Variants in VAV3 observed in about 807,000 individuals in gnomAD.
The protein encoded by VAV3 is guanine nucleotide exchange factor VAV3.
Under a neutral mutation model 131.2 loss-of-function variants are expected in VAV3, and 94 were observed. The ratio of observed to expected loss-of-function variants is 0.72; its 90% CI spans 0.61 to 0.85. VAV3 has a LOEUF of 0.85. Among genes scored for constraint, VAV3 ranks in the 40% least tolerant of loss-of-function variants. The probability of loss-of-function intolerance (pLI) is 0.00; values close to 1 mark genes in which losing one functional copy is unlikely to be tolerated. For missense variants in VAV3, 939 were observed against 1,002.7 expected (o/e 0.94, Z 0.86); for synonymous variants, 349 against 342.0 (o/e 1.02, Z -0.22).
intron 2 of VAV3, among the ~76,000 whole-genome samples, chr1:107,842,865 A>G (rs184267930): frequency 6.6e-6 from 1 of 152,320 alleles, no homozygotes; most frequent in Non-Finnish European, 1.5e-5. Flanking sequence ...AATGAGAGAA[A>G]TATTAACATA....
intron 1 of VAV3, among the ~76,000 whole-genome samples, chr1:107,948,445 G>T (rs529323069): frequency 6.6e-6 from 1 of 152,316 alleles, no homozygotes; most frequent in African/African-American, 2.4e-5. Flanking sequence ...TCAAACCATT[G>T]TATACATATC....
intron 1 of VAV3, among the ~76,000 whole-genome samples, chr1:107,935,993 G>A (rs1673694231): frequency 6.6e-6 from 1 of 152,118 alleles, no homozygotes; most frequent in African/African-American, 2.4e-5. Flanking sequence ...TGAGAGATGA[G>A]GACACATTTA....
At chr1:107,598,357 A>AAAACC (rs1651562496) in intron 24 of VAV3, among the ~76,000 whole-genome samples, 1 of 152,044 alleles carries the variant, frequency 6.6e-6, no homozygotes, top group Non-Finnish European at 1.5e-5. Context: ...ACTCTGTCTC[A>AAAACC]AAACAAAACA....
At chr1:107,596,438 T>A in intron 24 of VAV3, 97 bp from the exon 25 acceptor site, 2 of 1,355,800 alleles carry the variant, frequency 1.5e-6, no homozygotes, top group South Asian at 2.8e-5. Context: ...GATGACCAAT[T>A]TAATGCTAAA....
At chr1:107,620,109 T>C (rs1230049134) in intron 20 of VAV3, among the ~76,000 whole-genome samples, 2 of 152,328 alleles carry the variant, frequency 1.3e-5, no homozygotes, top group Non-Finnish European at 2.9e-5. Context: ...TCTCTATTAA[T>C]AGACTGTGAG....
chr1:107,617,482 C>A, intron 21 of VAV3, 85 bp downstream of exon 21: 1 of 1,138,368 alleles, frequency 8.8e-7, no homozygotes, highest in Non-Finnish European at 1.3e-6. Flanking sequence ...CTGACCTGGC[C>A]AGTATCCTTT....
intron 2 of VAV3, among the ~76,000 whole-genome samples, chr1:107,809,824 C>T (rs1474209210): frequency 1.3e-5 from 2 of 152,066 alleles, no homozygotes; most frequent in East Asian, 3.8e-4. Context: ...CTGAGAATGA[C>T]AGAATTTACA....
At chr1:107,903,510 G>A (rs1367867402) in intron 1 of VAV3, among the ~76,000 whole-genome samples, 1 of 152,096 alleles carries the variant, frequency 6.6e-6, no homozygotes, top group Non-Finnish European at 1.5e-5. Context: ...GCTGCAAGAT[G>A]CCAGATAAAT....
chr1:107,954,773 G>A (rs947200552), intron 1 of VAV3, among the ~76,000 whole-genome samples: 3 of 148,414 alleles, frequency 2.0e-5, no homozygotes, highest in Non-Finnish European at 4.5e-5. Context: ...ATGGGAGGGG[G>A]GGAAATTCAT....
chr1:107,798,576 G>A (rs80243819), intron 2 of VAV3, among the ~76,000 whole-genome samples: 17,679 of 151,600 alleles, frequency 0.12, 1,214 homozygotes, highest in East Asian at 0.29. Context: ...AAAATTAGCC[G>A]GGCGTGGTGG....
chr1:107,877,860 C>G (rs1053767521), intron 1 of VAV3, among the ~76,000 whole-genome samples: 4 of 152,088 alleles, frequency 2.6e-5, no homozygotes, highest in African/African-American at 7.2e-5. Context: ...GAGTCTAGTG[C>G]GAGCCTAGTG....
At chr1:107,623,793 T>C (rs996988709) in intron 20 of VAV3, among the ~76,000 whole-genome samples, 2 of 152,172 alleles carry the variant, frequency 1.3e-5, no homozygotes, top group Non-Finnish European at 2.9e-5. Context: ...GGGGATATGA[T>C]CCTTAACTTT....
At chr1:107,594,454 A>T (rs992529850) in intron 25 of VAV3, among the ~76,000 whole-genome samples, 1 of 152,138 alleles carries the variant, frequency 6.6e-6, no homozygotes, top group Non-Finnish European at 1.5e-5. Flanking sequence ...ACAAAAAAAA[A>T]GTTTTAGTGG....
chr1:107,949,553 C>T (rs1203357084), intron 1 of VAV3, among the ~76,000 whole-genome samples: 2 of 152,196 alleles, frequency 1.3e-5, no homozygotes, highest in East Asian at 3.9e-4. Flanking sequence ...ACAATCCTCC[C>T]ACCTTAGCCT....
intron 25 of VAV3, among the ~76,000 whole-genome samples, chr1:107,589,371 T>C (rs1391062415): frequency 6.6e-6 from 1 of 152,296 alleles, no homozygotes; most frequent in South Asian, 2.1e-4. Flanking sequence ...GGGACAATGA[T>C]ACACACAGAA....
At chr1:107,584,847 G>C (rs929722445) in intron 25 of VAV3, among the ~76,000 whole-genome samples, 5 of 152,142 alleles carry the variant, frequency 3.3e-5, no homozygotes, top group Admixed American at 1.3e-4. Context: ...AGGGATTTCA[G>C]ATTATTTATA....
chr1:107,633,272 A>G (rs1332900684), intron 20 of VAV3, among the ~76,000 whole-genome samples: 1 of 152,210 alleles, frequency 6.6e-6, no homozygotes, highest in Non-Finnish European at 1.5e-5. Context: ...TGGTTAGAAA[A>G]ATATGAATTC....
chr1:107,722,493 C>T (rs569827843), intron 15 of VAV3, among the ~76,000 whole-genome samples: 1 of 152,130 alleles, frequency 6.6e-6, no homozygotes, highest in Non-Finnish European at 1.5e-5. Context: ...CAGTGAGTCT[C>T]AAGAAAGAAA....
intron 19 of VAV3, among the ~76,000 whole-genome samples, chr1:107,676,994 A>T (rs557132742): frequency 6.6e-6 from 1 of 152,224 alleles, no homozygotes; most frequent in Non-Finnish European, 1.5e-5. Context: ...TATATAGAAG[A>T]AAATGAATGA....
Sources: allele counts gnomAD v4.1 joint callset (sites outside exome capture counted in the v4.1 genomes callset), GRCh38; gene constraint gnomAD v4.1.1; transcripts MANE v1.5; gene names NCBI Gene and HGNC (gene_info 2026-07-23, HGNC 2026-07-21).